Variants in ASTN1 observed in about 807,000 individuals in gnomAD.
ASTN1 encodes astrotactin 1.
ASTN1 carries 41 observed loss-of-function variants against 140.7 expected under a neutral mutation model. The ratio of observed to expected loss-of-function variants is 0.29; its 90% CI spans 0.23 to 0.38. The LOEUF (loss-of-function observed/expected upper bound fraction) is 0.38. ASTN1 is among the 10% of genes least tolerant of loss of function. The pLI, the probability that ASTN1 is intolerant of heterozygous loss-of-function variation, is 1.00. For synonymous variants in ASTN1, 640 were observed against 652.2 expected (o/e 0.98, Z 0.29); for missense variants, 1,479 against 1,678.8 (o/e 0.88, Z 2.08).
At chr1:176,940,205 T>C (rs1671656083) in intron 14 of ASTN1, among the ~76,000 whole-genome samples, 1 of 152,162 alleles carries the variant, frequency 6.6e-6, no homozygotes, top group South Asian at 2.1e-4. Context: ...AATAGAACTC[T>C]GACTCACAAT....
rs570965830 is a variant in ASTN1 at position 177,108,273 on chromosome 1, C to T, written c.284-47008G>A. Among the ~76,000 whole-genome samples the T allele has an allele frequency of 3.7e-4, 54 of 144,470 alleles. 1 individual carries two copies. Among genetic ancestry groups the T allele is most frequent in the African/African-American group, 1.2e-3 (49 of 39,242 alleles). The allele number at this position is 144,470 out of a possible 152,430, so 94.8% of individuals were successfully genotyped here. On this transcript the variant is annotated intron_variant, in intron 1 of 22. Transcript: ENST00000361833. ...CTGAGGCAGGAGAATCGCTTGGACC[C>T]GGGAGGTGGAGGTTGCAGTGAGCTG...
chr1:177,129,494 TGA>T (rs1165032236), intron 1 of ASTN1, among the ~76,000 whole-genome samples: 1 of 152,130 alleles, frequency 6.6e-6, no homozygotes, highest in Non-Finnish European at 1.5e-5. Context: ...TTCTTCAGCC[TGA>T]GAGGCTGAAT....
intron 8 of ASTN1, among the ~76,000 whole-genome samples, chr1:176,984,950 C>T (rs1673815265): frequency 6.6e-6 from 1 of 152,174 alleles, no homozygotes; most frequent in Non-Finnish European, 1.5e-5. Flanking sequence ...GACCAACATG[C>T]CATAGAGCAA....
At chr1:176,994,905 C>G (rs1316858410) in intron 8 of ASTN1, among the ~76,000 whole-genome samples, 2 of 152,070 alleles carry the variant, frequency 1.3e-5, no homozygotes, top group African/African-American at 2.4e-5. Flanking sequence ...CCCTGAGACA[C>G]AGAAAGTCAT....
At chr1:176,968,717 C>T (rs1198647754) in intron 8 of ASTN1, among the ~76,000 whole-genome samples, 2 of 152,080 alleles carry the variant, frequency 1.3e-5, no homozygotes, top group Non-Finnish European at 2.9e-5. Context: ...TTGTGGAGGC[C>T]TATTGTGTGT....
intron 1 of ASTN1, among the ~76,000 whole-genome samples, chr1:177,146,748 G>A (rs1415622605): frequency 3.3e-5 from 5 of 152,034 alleles, no homozygotes; most frequent in Non-Finnish European, 5.9e-5. Context: ...GTTGTTTTCC[G>A]AGATCACTTA....
At chr1:177,095,663 T>C (rs1031504147) in intron 1 of ASTN1, among the ~76,000 whole-genome samples, 16 of 152,180 alleles carry the variant, frequency 1.1e-4, no homozygotes, top group African/African-American at 3.4e-4. Flanking sequence ...ATTTGAAAGA[T>C]GGAGACCTGG....
chr1:176,934,487 C>T, intron 15 of ASTN1, 147 bp from the exon 16 acceptor site: 2 of 737,210 alleles, frequency 2.7e-6, no homozygotes, highest in East Asian at 2.8e-5. Context: ...GTGAATGTTT[C>T]CATTTAGCTA....
chr1:177,159,414 AAAG>A (rs1275871915), intron 1 of ASTN1, among the ~76,000 whole-genome samples: 2 of 152,218 alleles, frequency 1.3e-5, no homozygotes, highest in Non-Finnish European at 2.9e-5. Context: ...TGGAGAGAAA[AAAG>A]AAGGAAAAGA....
At chr1:176,875,845 C>A (rs1668537436) in intron 21 of ASTN1, among the ~76,000 whole-genome samples, 1 of 152,022 alleles carries the variant, frequency 6.6e-6, no homozygotes, top group South Asian at 2.1e-4. Flanking sequence ...AAGTGGTGAC[C>A]AGGATGATTA....
rs869200407 is a variant in ASTN1, at chr1:177,036,036, C to CTTTTTTT, written c.472-3194_472-3188dup. ...CTCTGGATGGGATGACCTCAGCTTTCTTTTTTTTTTTTTTTTTTTTTTTTT... is the reference window on the plus strand; with the variant it reads ...CTCTGGATGGGATGACCTCAGCTTTCTTTTTTTTTTTTTTTTTTTTTTTTTTTTTTTT... On this transcript the variant is annotated intron_variant, in intron 2 of 22. Transcript: ENST00000361833. Among the ~76,000 whole-genome samples the CTTTTTTT allele has an allele frequency of 1.1e-4, 9 of 78,786 alleles. 1 individual carries two copies. Among genetic ancestry groups the CTTTTTTT allele is most frequent in the African/African-American group, 3.9e-4 (7 of 18,110 alleles). The allele number at this position is 78,786 out of a possible 152,430, so 51.7% of individuals were successfully genotyped here.
Position 176,918,585 on chromosome 1 carries a change from C to T in ASTN1, c.2671+15567G>A, listed in dbSNP as rs563269899. On this transcript the variant is annotated intron_variant, in intron 16 of 22. Coordinates refer to ENST00000361833, the MANE Select transcript of ASTN1 (RefSeq NM_004319.3). ...TTCCTCTGCTCTTCCCTCCCCAAGCCCCACTCTATTGCCAAGTTTCTCTAT... is the reference window on the plus strand; with the variant it reads ...TTCCTCTGCTCTTCCCTCCCCAAGCTCCACTCTATTGCCAAGTTTCTCTAT... 1.8e-4 allele frequency among the ~76,000 whole-genome samples: 28 copies of T among 152,270 alleles called. 1 individual carries two copies. Among genetic ancestry groups the T allele is most frequent in the African/African-American group, 6.7e-4 (28 of 41,544 alleles).
rs190579330 is a variant in ASTN1, at chr1:176,879,740, C to G, written c.3363-3103G>C. On this transcript the variant is annotated intron_variant, in intron 20 of 22. Transcript: ENST00000361833. ...AATTTAAGTTCTCCAGCTCTTTCCA[C>G]TTTTAGTAGTGTATTTTATTTTTAA... Among the ~76,000 whole-genome samples, 86 of 152,298 alleles carry G rather than the reference C, an allele frequency of 5.6e-4. No individual in the cohort carries two copies. The East Asian group carries it at 0.016, about 29-fold the overall frequency.
chr1:176,986,263 C>A (rs1429485481), intron 8 of ASTN1, among the ~76,000 whole-genome samples: 2 of 152,070 alleles, frequency 1.3e-5, no homozygotes, highest in Non-Finnish European at 1.5e-5. Context: ...TCTGATCACT[C>A]CAGAGGTGGG....
At chr1:177,043,940 A>C (rs939680986) in intron 2 of ASTN1, among the ~76,000 whole-genome samples, 1 of 151,984 alleles carries the variant, frequency 6.6e-6, no homozygotes, top group Non-Finnish European at 1.5e-5. Context: ...AAAAATTATT[A>C]AATTGAATTT....
downstream of ASTN1, chr1:176,860,982 G>A (rs1021168490): frequency 2.1e-5 from 15 of 723,580 alleles, no homozygotes; most frequent in Middle Eastern, 7.0e-4. Flanking sequence ...AATCTGAAGT[G>A]TAACCTTTAA....
At chr1:176,879,186 C>T (rs868720817) in intron 20 of ASTN1, among the ~76,000 whole-genome samples, 40 of 152,210 alleles carry the variant, frequency 2.6e-4, no homozygotes, top group Non-Finnish European at 2.2e-4. Context: ...GCCTGCACCC[C>T]TGACTGTGTG....
chr1:176,999,940 T>A (rs1341554810), intron 8 of ASTN1, among the ~76,000 whole-genome samples: 3 of 152,176 alleles, frequency 2.0e-5, no homozygotes, highest in African/African-American at 7.2e-5. Flanking sequence ...CCTCTTTTTG[T>A]ATAAATTACC....
At chr1:177,031,916 T>C (rs1030623149) in intron 3 of ASTN1, among the ~76,000 whole-genome samples, 1 of 152,212 alleles carries the variant, frequency 6.6e-6, no homozygotes, top group African/African-American at 2.4e-5. Flanking sequence ...TGGGGTCTGA[T>C]ACCATGATTG....
Sources: allele counts gnomAD v4.1 joint callset (sites outside exome capture counted in the v4.1 genomes callset), GRCh38; gene constraint gnomAD v4.1.1; transcripts MANE v1.5; gene names NCBI Gene and HGNC (gene_info 2026-07-23, HGNC 2026-07-21).